SLC9A7: variants seen among roughly 807,000 people sequenced by gnomAD.
The protein encoded by SLC9A7 is solute carrier family 9 member A7.
A neutral mutation model predicts 52.6 loss-of-function variants in SLC9A7; 19 were observed. That is an observed-to-expected ratio of 0.36 (90% confidence interval 0.25 to 0.53). SLC9A7 has a LOEUF of 0.53. Among genes scored for constraint, SLC9A7 ranks in the 20% least tolerant of loss-of-function variants. The pLI, the probability that SLC9A7 is intolerant of heterozygous loss-of-function variation, is 0.91. For missense variants in SLC9A7, 455 were observed against 597.9 expected (o/e 0.76, Z 2.49); for synonymous variants, 226 against 252.1 (o/e 0.90, Z 0.98).
rs189606986 is a variant in SLC9A7 at position 46,748,303 on chromosome X, G to A, written c.325+10402C>T. 2.1e-3 allele frequency among the ~76,000 whole-genome samples: 218 copies of A among 102,366 alleles called. 1 individual carries two copies. The highest frequency in any genetic ancestry group is 3.4e-3 in the Non-Finnish European group (172 of 50,637). The allele number at this position is 102,366 out of a possible 115,157, so 88.9% of individuals were successfully genotyped here. ...AGAAGTTGCAGTGAGCCGAGATTGC[G>A]CCATTGCACTCCGGCCTGGGCAACA... On this transcript the variant is annotated intron_variant, in intron 1 of 16. Coordinates refer to ENST00000616978, the MANE Select transcript of SLC9A7 (RefSeq NM_001257291.2).
At chrX:46,611,980 C>T (rs894275200) in intron 16 of SLC9A7, among the ~76,000 whole-genome samples, 2 of 111,619 alleles carry the variant, frequency 1.8e-5, no homozygotes, top group Non-Finnish European at 3.8e-5. Flanking sequence ...TGTTTAGGGC[C>T]GTTCTCTTTC....
intron 12 of SLC9A7, among the ~76,000 whole-genome samples, chrX:46,636,532 C>T (rs1240334790): frequency 9.1e-6 from 1 of 109,837 alleles, no homozygotes; most frequent in Non-Finnish European, 1.9e-5. Flanking sequence ...AATAAATGTC[C>T]CCTGGGCGGC....
intron 7 of SLC9A7, among the ~76,000 whole-genome samples, chrX:46,657,412 G>A (rs372233657): frequency 1.8e-4 from 20 of 109,655 alleles, no homozygotes; most frequent in African/African-American, 6.0e-4. Flanking sequence ...GCTCCAATTA[G>A]AAGACACAGA....
chrX:46,663,490 T>G (rs780733000), intron 5 of SLC9A7, among the ~76,000 whole-genome samples: 79 of 102,682 alleles, frequency 7.7e-4, no homozygotes, highest in African/African-American at 2.7e-3. Flanking sequence ...AATACAAAAT[T>G]AGCTGGTCAT....
chrX:46,683,983 C>T (rs1301171239), intron 1 of SLC9A7, among the ~76,000 whole-genome samples: 1 of 111,581 alleles, frequency 9.0e-6, no homozygotes, highest in African/African-American at 3.3e-5. Flanking sequence ...AATATAAAAT[C>T]TAGAAAAATA....
chrX:46,679,779 A>AT (rs747683319), intron 2 of SLC9A7, 24 bp from the exon 3 acceptor site: 9 of 1,058,848 alleles, frequency 8.5e-6, no homozygotes, highest in Non-Finnish European at 1.2e-5. Flanking sequence ...AAGAAAAAAA[A>AT]GCCAATTTTT....
chrX:46,757,722 C>T (rs1489734745), intron 1 of SLC9A7, among the ~76,000 whole-genome samples: 1 of 98,312 alleles, frequency 1.0e-5, no homozygotes, highest in Non-Finnish European at 2.0e-5. Context: ...ATACCTGACT[C>T]CACTTTGGAG....
Position 46,599,797 on chromosome X carries a change from C to A in SLC9A7, c.*7155G>T, listed in dbSNP as rs1292511064. On this transcript the variant is annotated 3_prime_UTR_variant, in exon 17 of 17. Transcript: ENST00000616978. ...ATTTTATAAAACCACCAGTTTGCTA[C>A]TGTTGAATGGAAATAGAAGACAAAA... is the stretch of plus-strand genomic sequence containing the variant. 9.1e-6 allele frequency: 1 copy of A among 110,043 alleles called. No individual in the cohort carries two copies. The highest frequency in any genetic ancestry group is 1.9e-5 in the Non-Finnish European group (1 of 53,241). The allele number at this position is 110,043 out of a possible 1,213,427, so 9.1% of individuals were successfully genotyped here. A position where few individuals can be genotyped will look rare whatever the true frequency, so the allele number is the denominator to read the frequency against.
intron 11 of SLC9A7, among the ~76,000 whole-genome samples, chrX:46,643,957 C>CT (rs1384286051): frequency 1.8e-5 from 2 of 112,054 alleles, no homozygotes; most frequent in African/African-American, 6.5e-5. Context: ...TATGTGGGTA[C>CT]TTAGATCAAA....
Position 46,672,644 on chromosome X carries a change from A to C in SLC9A7, c.604-17T>G. 1 of 1,118,080 alleles carries C rather than the reference A, an allele frequency of 8.9e-7. No individual in the cohort carries two copies. Among genetic ancestry groups the C allele is most frequent in the South Asian group, 1.9e-5 (1 of 52,618 alleles). The allele number at this position is 1,118,080 out of a possible 1,213,427, so 92.1% of individuals were successfully genotyped here. A position where few individuals can be genotyped will look rare whatever the true frequency, so the allele number is the denominator to read the frequency against. ...AAAGTGTCTCTGAATAAAACAAACAAACAAAACCCAGGAATCACATTGTGA... is the reference window on the plus strand; with the variant it reads ...AAAGTGTCTCTGAATAAAACAAACACACAAAACCCAGGAATCACATTGTGA... On this transcript the variant is annotated splice_polypyrimidine_tract_variant and intron_variant, in intron 3 of 16. Transcript: ENST00000616978.
At chrX:46,614,109 T>C (rs1442989227) in intron 15 of SLC9A7, among the ~76,000 whole-genome samples, 3 of 111,491 alleles carry the variant, frequency 2.7e-5, no homozygotes, top group Non-Finnish European at 5.6e-5. Context: ...CTGTGTATGG[T>C]AGGATATTGA....
At chrX:46,696,539 C>T (rs187593241) in intron 1 of SLC9A7, among the ~76,000 whole-genome samples, 23 of 111,662 alleles carry the variant, frequency 2.1e-4, no homozygotes, top group African/African-American at 6.2e-4. Flanking sequence ...AGCTCACAAT[C>T]ACTGTTTTCT....
At chrX:46,672,779 T>C (rs1312086769) in intron 3 of SLC9A7, 152 bp from the exon 4 acceptor site, 1 of 438,381 alleles carries the variant, frequency 2.3e-6, no homozygotes, top group African/African-American at 2.5e-5. Flanking sequence ...TATGGTGTTA[T>C]TTAACCTTAG....
intron 10 of SLC9A7, among the ~76,000 whole-genome samples, chrX:46,650,371 G>A (rs888943097): frequency 2.8e-4 from 31 of 111,928 alleles, no homozygotes; most frequent in African/African-American, 9.4e-4. Context: ...CACATGAGAA[G>A]CCAATCCCCC....
chrX:46,614,632 G>A (rs1942914413), intron 15 of SLC9A7, among the ~76,000 whole-genome samples: 2 of 111,880 alleles, frequency 1.8e-5, no homozygotes, highest in African/African-American at 6.5e-5. Context: ...GAAGGTCAAC[G>A]GATAAGCAGA....
chrX:46,716,174 T>G (rs749333742), intron 1 of SLC9A7, among the ~76,000 whole-genome samples: 1 of 111,289 alleles, frequency 9.0e-6, no homozygotes, highest in Non-Finnish European at 1.9e-5. Flanking sequence ...CTGAGACTTC[T>G]AGATCCCAGT....
intron 1 of SLC9A7, chrX:46,685,539 A>T (rs1411374652): frequency 9.0e-6 from 1 of 111,415 alleles, no homozygotes; most frequent in Admixed American, 9.6e-5. Flanking sequence ...TGTCATGCCA[A>T]GTGTCTCAGC....
At chrX:46,622,524 C>A (rs912648718) in intron 14 of SLC9A7, among the ~76,000 whole-genome samples, 1 of 111,766 alleles carries the variant, frequency 8.9e-6, no homozygotes. Flanking sequence ...CGATAAACAT[C>A]ATCAGGAAGG....
chrX:46,653,940 C>CATTGTTTA, intron 7 of SLC9A7, among the ~76,000 whole-genome samples: 1 of 110,690 alleles, frequency 9.0e-6, no homozygotes. Flanking sequence ...AACAGGGAGA[C>CATTGTTTA]ATTGTTTAAT....
Sources: allele counts gnomAD v4.1 joint callset (sites outside exome capture counted in the v4.1 genomes callset), GRCh38; gene constraint gnomAD v4.1.1; transcripts MANE v1.5; gene names NCBI Gene and HGNC (gene_info 2026-07-23, HGNC 2026-07-21).